CACNG2: variants seen among roughly 807,000 people sequenced by gnomAD.
CACNG2 encodes voltage-dependent calcium channel gamma-2 subunit.
In CACNG2, 3 loss-of-function variants were observed where a neutral mutation model predicts 25.9. The observed-to-expected ratio is 0.12, with a 90% CI of 0.05 to 0.30. CACNG2 has a LOEUF of 0.30. Ranked by LOEUF, CACNG2 falls within the 10% of genes least tolerant of loss-of-function variation. The probability of loss-of-function intolerance (pLI) is 1.00; values close to 1 mark genes in which losing one functional copy is unlikely to be tolerated. For missense variants in CACNG2, 341 were observed against 432.5 expected, an observed-to-expected ratio of 0.79 and a Z score of 1.88; for synonymous variants, 167 against 173.3, an observed-to-expected ratio of 0.96 and a Z score of 0.29.
rs117692646 is a variant in CACNG2 at position 36,597,889 on chromosome 22, G to T, written c.212-10341C>A. On this transcript the variant is annotated intron_variant, in intron 1 of 3. Coordinates refer to ENST00000300105, the MANE Select transcript of CACNG2 (RefSeq NM_006078.5). ...CGAGGCTGTCAAGCACCTTTTAGCT[G>T]CTTTGGTCATATTCTCTTTGTGTAT... Among the ~76,000 whole-genome samples, 18 of 152,334 alleles carry T rather than the reference G, an allele frequency of 1.2e-4. No individual in the cohort carries two copies. In the East Asian group the frequency reaches 3.1e-3, roughly 26 times the overall value.
At chr22:36,695,861 T>G (rs1051315262) in intron 1 of CACNG2, among the ~76,000 whole-genome samples, 1 of 152,144 alleles carries the variant, frequency 6.6e-6, no homozygotes, top group Non-Finnish European at 1.5e-5. Context: ...TGTTCTCACC[T>G]CATGGCCTAG....
At position 36,702,985 on chromosome 22, in the gene CACNG2, G is replaced by C. The variant is rs527295420; in HGVS notation, c.-409C>G. 5.4e-6 allele frequency: 1 copy of C among 184,402 alleles called. No individual in the cohort carries two copies. The highest frequency in any genetic ancestry group is 1.1e-4 in the South Asian group (1 of 9,202). The allele number at this position is 184,402 out of a possible 1,614,324, so 11.4% of individuals were successfully genotyped here. ...GAGATGGCTTCCACAGTGAACCAGG[G>C]AACAGCCGAATTCTCAACACCATTT... On this transcript the variant is annotated 5_prime_UTR_variant, in exon 1 of 4. Transcript: ENST00000300105.
intron 1 of CACNG2, among the ~76,000 whole-genome samples, chr22:36,683,856 C>T (rs1937160445): frequency 6.6e-6 from 1 of 152,154 alleles, no homozygotes; most frequent in African/African-American, 2.4e-5. Context: ...TCTCTCCACC[C>T]CCCGCGACCC....
chr22:36,667,662 G>T (rs1412951262), intron 1 of CACNG2, among the ~76,000 whole-genome samples: 2 of 152,178 alleles, frequency 1.3e-5, no homozygotes, highest in African/African-American at 4.8e-5. Flanking sequence ...TATTTCCCTG[G>T]TGAAAAACCC....
At position 36,668,401 on chromosome 22, in the gene CACNG2, G is replaced by A. The variant is rs564062770; in HGVS notation, c.211+33965C>T. Among the ~76,000 whole-genome samples, 3 of 152,358 alleles carry A rather than the reference G, an allele frequency of 2.0e-5. No homozygotes were observed. In the South Asian group the frequency reaches 6.2e-4, roughly 32 times the overall value. ...CTCATGCTATTAGGGAGGCCGAGAAGTCCCACAGTATGCCATCTGCACGCT... is the reference window on the plus strand; with the variant it reads ...CTCATGCTATTAGGGAGGCCGAGAAATCCCACAGTATGCCATCTGCACGCT... On this transcript the variant is annotated intron_variant, in intron 1 of 3. Coordinates refer to ENST00000300105, the MANE Select transcript of CACNG2 (RefSeq NM_006078.5).
chr22:36,585,202 C>T (rs994203998), intron 2 of CACNG2: 1 of 152,208 alleles, frequency 6.6e-6, no homozygotes, highest in African/African-American at 2.4e-5. Context: ...CTTCAAGAAG[C>T]TCATAGTCTC....
At chr22:36,670,092 A>G (rs1171936697) in intron 1 of CACNG2, among the ~76,000 whole-genome samples, 1 of 152,212 alleles carries the variant, frequency 6.6e-6, no homozygotes, top group Middle Eastern at 3.2e-3. Context: ...CTAACTAACT[A>G]TAAGATTCCC....
At chr22:36,675,364 G>A (rs185911071) in intron 1 of CACNG2, among the ~76,000 whole-genome samples, 3 of 152,226 alleles carry the variant, frequency 2.0e-5, no homozygotes, top group Admixed American at 1.3e-4. Flanking sequence ...AATTTATGAG[G>A]TGGGTGACCA....
At chr22:36,588,806 A>C (rs918650300) in intron 1 of CACNG2, among the ~76,000 whole-genome samples, 7 of 152,166 alleles carry the variant, frequency 4.6e-5, no homozygotes, top group African/African-American at 1.7e-4. Context: ...GACAGAAATG[A>C]AATTTGACTG....
At chr22:36,625,368 T>C (rs1936169655) in intron 1 of CACNG2, among the ~76,000 whole-genome samples, 1 of 152,150 alleles carries the variant, frequency 6.6e-6, no homozygotes, top group East Asian at 1.9e-4. Flanking sequence ...GGTGATCACA[T>C]TCTGCCTTGA....
At chr22:36,602,723 G>C (rs1935773372) in intron 1 of CACNG2, among the ~76,000 whole-genome samples, 1 of 152,214 alleles carries the variant, frequency 6.6e-6, no homozygotes, top group Non-Finnish European at 1.5e-5. Context: ...ATGGCGATCT[G>C]TGATCAGTGA....
At chr22:36,648,473 C>T (rs1936561904) in intron 1 of CACNG2, among the ~76,000 whole-genome samples, 2 of 152,232 alleles carry the variant, frequency 1.3e-5, no homozygotes, top group African/African-American at 4.8e-5. Context: ...CTTGTCTTGC[C>T]CTCTGGCCGT....
At chr22:36,661,456 G>A (rs1260414520) in intron 1 of CACNG2, among the ~76,000 whole-genome samples, 1 of 152,186 alleles carries the variant, frequency 6.6e-6, no homozygotes, top group Admixed American at 6.5e-5. Flanking sequence ...GGAATGGGAT[G>A]TCAGGAGGTT....
At chr22:36,571,895 A>AAG (rs1273384498) in intron 2 of CACNG2, among the ~76,000 whole-genome samples, 4 of 151,976 alleles carry the variant, frequency 2.6e-5, no homozygotes, top group Non-Finnish European at 5.9e-5. Context: ...AAAAAAAAAA[A>AAG]AAAAGAATTA....
intron 1 of CACNG2, among the ~76,000 whole-genome samples, chr22:36,607,783 T>A (rs1935867268): frequency 6.6e-6 from 1 of 152,194 alleles, no homozygotes; most frequent in Non-Finnish European, 1.5e-5. Flanking sequence ...AGAACCAGGA[T>A]TCCCAGCTAG....
chr22:36,585,279 A>G (rs1433382760), intron 2 of CACNG2: 2 of 152,190 alleles, frequency 1.3e-5, no homozygotes, highest in Admixed American at 1.3e-4. Flanking sequence ...TTGTAGACAC[A>G]TGCAGGGTGC....
At chr22:36,633,284 A>G (rs1936304017) in intron 1 of CACNG2, among the ~76,000 whole-genome samples, 1 of 152,260 alleles carries the variant, frequency 6.6e-6, no homozygotes, top group African/African-American at 2.4e-5. Flanking sequence ...GTTTGGCACT[A>G]AGGGGGTTCC....
chr22:36,624,058 T>C (rs903632991), intron 1 of CACNG2, among the ~76,000 whole-genome samples: 1 of 152,202 alleles, frequency 6.6e-6, no homozygotes, highest in African/African-American at 2.4e-5. Flanking sequence ...AATATGCATC[T>C]GTTCTTACAG....
In CACNG2 at chr22:36,612,563, T is replaced by G. The variant is rs557303798; in HGVS notation, c.212-25015A>C. On this transcript the variant is annotated intron_variant, in intron 1 of 3. Coordinates refer to ENST00000300105, the MANE Select transcript of CACNG2 (RefSeq NM_006078.5). The stretch of plus-strand genomic sequence containing the variant: ...TAGTTTATCGTCCCTGGAAATCTCA[T>G]AACTTCTTGGAGGAGAGAGGCCACC... Among the ~76,000 whole-genome samples the G allele has an allele frequency of 2.0e-5, 3 of 152,336 alleles. No homozygotes were observed. The South Asian group carries it at 6.2e-4, about 32-fold the overall frequency.
Sources: allele counts gnomAD v4.1 joint callset (sites outside exome capture counted in the v4.1 genomes callset), GRCh38; gene constraint gnomAD v4.1.1; transcripts MANE v1.5; gene names NCBI Gene and HGNC (gene_info 2026-07-23, HGNC 2026-07-21).